Variants in DENND5A observed in about 807,000 individuals in gnomAD.
DENND5A encodes DENN domain-containing protein 5A.
A neutral mutation model predicts 140.3 loss-of-function variants in DENND5A; 64 were observed. The observed-to-expected ratio is 0.46, with a 90% CI of 0.37 to 0.56. The LOEUF is 0.56. DENND5A is among the 20% of genes least tolerant of loss of function. The pLI is 0.00. For missense variants in DENND5A, 1,292 were observed against 1,593.8 expected, an observed-to-expected ratio of 0.81 and a Z score of 3.22; for synonymous variants, 605 against 607.7, an observed-to-expected ratio of 1.00 and a Z score of 0.07.
intron 1 of DENND5A, among the ~76,000 whole-genome samples, chr11:9,261,460 CT>C (rs1404174712): frequency 6.6e-6 from 1 of 152,060 alleles, no homozygotes; most frequent in Non-Finnish European, 1.5e-5. Flanking sequence ...GAAGAACCTG[CT>C]ATTTGTACTC....
At chr11:9,228,862 C>T (rs1850643810) in intron 1 of DENND5A, among the ~76,000 whole-genome samples, 1 of 152,228 alleles carries the variant, frequency 6.6e-6, no homozygotes, top group Middle Eastern at 3.2e-3. Context: ...TCCATCTCTT[C>T]CACTTGGCTG....
At chr11:9,214,278 T>C (rs1394433170) in intron 1 of DENND5A, among the ~76,000 whole-genome samples, 1 of 152,220 alleles carries the variant, frequency 6.6e-6, no homozygotes, top group African/African-American at 2.4e-5. Context: ...CAATTCTCCC[T>C]ATCTTCCACA....
At chr11:9,239,070 G>A (rs564333404) in intron 1 of DENND5A, among the ~76,000 whole-genome samples, 2 of 151,764 alleles carry the variant, frequency 1.3e-5, no homozygotes, top group East Asian at 2.0e-4. Context: ...GACCTCAGGT[G>A]ATCTGCCCAC....
intron 10 of DENND5A, among the ~76,000 whole-genome samples, chr11:9,167,190 C>T (rs1283279244): frequency 1.3e-5 from 2 of 151,936 alleles, no homozygotes; most frequent in Non-Finnish European, 2.9e-5. Context: ...ACATTTTTAC[C>T]CTAAACTTCT....
Position 9,239,361 on chromosome 11 carries a change from GGGTCTT to G in DENND5A, c.109+25594_109+25599del, listed in dbSNP as rs1374997161. Among the ~76,000 whole-genome samples, 7 of 134,984 alleles carry G rather than the reference GGGTCTT, an allele frequency of 5.2e-5. No homozygotes were observed. The East Asian group carries it at 1.5e-3, about 29-fold the overall frequency. The allele number at this position is 134,984 out of a possible 152,430, so 88.6% of individuals were successfully genotyped here. A position where few individuals can be genotyped will look rare whatever the true frequency, so the allele number is the denominator to read the frequency against. On this transcript the variant is annotated intron_variant, in intron 1 of 22. Transcript: ENST00000328194. ...TTTTTTTTTTTTTTTTTTTGAGACA[GGGTCTT>G]GTTCAGTTGCCCAGGCTGGAGTACA...
intron 11 of DENND5A, among the ~76,000 whole-genome samples, chr11:9,161,991 A>G (rs1847999699): frequency 6.6e-6 from 1 of 151,230 alleles, no homozygotes; most frequent in African/African-American, 2.4e-5. Context: ...TGGCCTTTGA[A>G]CCCATATCTG....
chr11:9,203,624 G>A (rs745870463), intron 4 of DENND5A, 36 bp downstream of exon 4: 2 of 1,573,696 alleles, frequency 1.3e-6, no homozygotes, highest in African/African-American at 1.4e-5. Context: ...AAAGAAGCCT[G>A]AGGCAGGCAG....
chr11:9,243,289 T>C (rs998709807), intron 1 of DENND5A, among the ~76,000 whole-genome samples: 10 of 152,020 alleles, frequency 6.6e-5, no homozygotes, highest in Non-Finnish European at 1.3e-4. Context: ...GTAGATAAAA[T>C]TCAAAATGTA....
In DENND5A at chr11:9,212,363, GAATT is replaced by G. The variant is rs972726293; in HGVS notation, c.110-4735_110-4732del. ...AATGAGGCAGAAAACAATATTTGAA[GAATT>G]AATAATCAAAATTTTCCCAAATTTG... On this transcript the variant is annotated intron_variant, in intron 1 of 22. Coordinates refer to ENST00000328194, the MANE Select transcript of DENND5A (RefSeq NM_015213.4). 3.5e-4 allele frequency among the ~76,000 whole-genome samples: 53 copies of G among 152,150 alleles called. 1 individual carries two copies. Among genetic ancestry groups the G allele is most frequent in the Admixed American group, 9.2e-4 (14 of 15,278 alleles).
At chr11:9,215,305 T>C (rs1196045387) in intron 1 of DENND5A, among the ~76,000 whole-genome samples, 1 of 152,222 alleles carries the variant, frequency 6.6e-6, no homozygotes, top group Non-Finnish European at 1.5e-5. Context: ...ACTTCTTATG[T>C]GACCAGTTTT....
At chr11:9,214,069 G>A (rs1444641349) in intron 1 of DENND5A, among the ~76,000 whole-genome samples, 3 of 152,138 alleles carry the variant, frequency 2.0e-5, no homozygotes, top group East Asian at 1.9e-4. Context: ...GACCAACCAC[G>A]GTCATCAACT....
At chr11:9,192,519 T>C (rs1849167267) in intron 5 of DENND5A, among the ~76,000 whole-genome samples, 1 of 151,960 alleles carries the variant, frequency 6.6e-6, no homozygotes, top group South Asian at 2.1e-4. Context: ...TCACAGCTAC[T>C]TGGGAGACTG....
chr11:9,235,903 T>C (rs1850979675), intron 1 of DENND5A, among the ~76,000 whole-genome samples: 1 of 152,144 alleles, frequency 6.6e-6, no homozygotes, highest in African/African-American at 2.4e-5. Flanking sequence ...ATGATGCTGA[T>C]GGCTACACAA....
At chr11:9,221,914 C>G (rs562256503) in intron 1 of DENND5A, among the ~76,000 whole-genome samples, 28 of 152,038 alleles carry the variant, frequency 1.8e-4, no homozygotes, top group African/African-American at 6.7e-4. Flanking sequence ...CATGCCACCA[C>G]GCCCGGCTAA....
chr11:9,239,664 G>A (rs1381406156), intron 1 of DENND5A, among the ~76,000 whole-genome samples: 1 of 151,874 alleles, frequency 6.6e-6, no homozygotes, highest in Non-Finnish European at 1.5e-5. Context: ...GTCTTGCTAT[G>A]TTGCCCAGGC....
chr11:9,185,103 A>G lies in DENND5A; in HGVS notation c.1138-4019T>C, dbSNP rs1300936920. ...CTACTTGGGAGGCTGAGGCAGGAGA[A>G]TCATATGAACCCAGCAGGCGGAGTC... is the stretch of plus-strand genomic sequence containing the variant. On this transcript the variant is annotated intron_variant, in intron 5 of 22. Transcript: ENST00000328194. Among the ~76,000 whole-genome samples the G allele has an allele frequency of 3.3e-5, 5 of 152,306 alleles. No individual in the cohort carries two copies. In the East Asian group the frequency reaches 7.7e-4, roughly 24 times the overall value.
At chr11:9,145,998 C>T (rs1337631542) in intron 16 of DENND5A, among the ~76,000 whole-genome samples, 183 bp from the exon 17 acceptor site, 1 of 152,170 alleles carries the variant, frequency 6.6e-6, no homozygotes, top group East Asian at 1.9e-4. Flanking sequence ...TATTAGCCAG[C>T]TACCCCATGG....
In DENND5A at chr11:9,231,715, C is replaced by CAAAAAAAAAAAAAAAA. The variant is rs71062818; in HGVS notation, c.110-24099_110-24084dup. On this transcript the variant is annotated intron_variant, in intron 1 of 22. Coordinates refer to ENST00000328194, the MANE Select transcript of DENND5A (RefSeq NM_015213.4). ...GGGCAACAAGAGCGAAACTCCGTCT[C>CAAAAAAAAAAAAAAAA]AAAAAAAAAAAAAAAAAGACTCTGG... Among the ~76,000 whole-genome samples, 32 of 78,942 alleles carry CAAAAAAAAAAAAAAAA rather than the reference C, an allele frequency of 4.1e-4. 2 individuals are homozygous for CAAAAAAAAAAAAAAAA. In the East Asian group the frequency reaches 4.9e-3, roughly 12 times the overall value. The allele number at this position is 78,942 out of a possible 152,430, so 51.8% of individuals were successfully genotyped here.
At chr11:9,215,048 C>T (rs1241444493) in intron 1 of DENND5A, among the ~76,000 whole-genome samples, 1 of 152,110 alleles carries the variant, frequency 6.6e-6, no homozygotes, top group Non-Finnish European at 1.5e-5. Context: ...TCTAAGTCCT[C>T]TTCCAAGGCA....
Sources: gnomAD v4.1 joint callset for allele counts (sites outside exome capture counted in the v4.1 genomes callset) on GRCh38, gnomAD v4.1.1 for gene constraint, MANE v1.5 for transcripts, NCBI Gene and HGNC (gene_info 2026-07-23, HGNC 2026-07-21) for gene names.